The following REV3L variants were observed in gnomAD, a reference collection of about 807,000 sequenced individuals.
REV3L encodes the protein REV3 like, DNA directed polymerase zeta catalytic subunit, also known as DNA polymerase zeta catalytic subunit.
In REV3L, 69 loss-of-function variants were observed where a neutral mutation model predicts 299.4. The observed-to-expected ratio is 0.23, with a 90% confidence interval of 0.19 to 0.28. The LOEUF is 0.28. Ranked by LOEUF, REV3L falls within the 10% of genes least tolerant of loss-of-function variation. The pLI is 1.00. For synonymous variants in REV3L, 1,238 were observed against 1,271.4 expected (o/e 0.97, Z 0.56); for missense variants, 3,128 against 3,693.8 (o/e 0.85, Z 3.97).
rs1313738023 is a variant in REV3L, at chr6:111,481,909, T to G, written c.139+841A>C. 2.0e-5 allele frequency among the ~76,000 whole-genome samples: 3 copies of G among 152,248 alleles called. No homozygotes were observed. The East Asian group carries it at 5.8e-4, about 29-fold the overall frequency. ...CTTCAACATAGTTGTGTTTAAAAAA[T>G]ATATACCTGTACTTAAAACGCAATC... On this transcript the variant is annotated intron_variant, in intron 1 of 31. Coordinates refer to ENST00000368802, the MANE Select transcript of REV3L (RefSeq NM_001372078.1).
At chr6:111,310,164 T>G in intron 29 of REV3L, 65 bp from the exon 30 acceptor site, 1 of 1,459,034 alleles carries the variant, frequency 6.9e-7, no homozygotes, top group Non-Finnish European at 9.1e-7. Context: ...TTCTCACAAA[T>G]TAAGTCAGAA....
At chr6:111,352,914 G>C (rs539965139) in intron 18 of REV3L, among the ~76,000 whole-genome samples, 1 of 152,268 alleles carries the variant, frequency 6.6e-6, no homozygotes, top group Non-Finnish European at 1.5e-5. Flanking sequence ...AATTTATTTC[G>C]AGTGGAAAAT....
chr6:111,475,816 A>C (rs1792873240), intron 1 of REV3L, among the ~76,000 whole-genome samples: 1 of 152,112 alleles, frequency 6.6e-6, no homozygotes. Flanking sequence ...CTATTAAAGG[A>C]CTTCACCAAT....
intron 1 of REV3L, among the ~76,000 whole-genome samples, chr6:111,467,131 G>A (rs1791603850): frequency 6.6e-6 from 1 of 152,144 alleles, no homozygotes; most frequent in Admixed American, 6.5e-5. Context: ...AATTATATAA[G>A]AAGAAAGGGT....
chr6:111,335,173 G>T (rs1405127304), intron 22 of REV3L, among the ~76,000 whole-genome samples: 1 of 151,986 alleles, frequency 6.6e-6, no homozygotes, highest in Non-Finnish European at 1.5e-5. Flanking sequence ...TAAAACAAAA[G>T]AAAGGTACTT....
intron 1 of REV3L, among the ~76,000 whole-genome samples, chr6:111,453,855 G>A (rs1457219050): frequency 3.3e-5 from 5 of 152,006 alleles, no homozygotes; most frequent in South Asian, 2.1e-4. Flanking sequence ...GCGTGGTGGC[G>A]CATGCCTGTG....
At chr6:111,430,158 G>A in intron 1 of REV3L, 1 of 789,290 alleles carries the variant, frequency 1.3e-6, no homozygotes, top group East Asian at 2.4e-5. Context: ...CGCCCCTGTG[G>A]GATTAGACTT....
At position 111,372,973 on chromosome 6, in the gene REV3L, G is replaced by A. The variant is rs1384542274; in HGVS notation, c.5382C>T (p.Asn1794=). ...KEVFLSLPQP[N]NSDWIQGHTR... is the part of the protein sequence containing the mutation. ...TGTGACCTTGAATCCAGTCTGAATTGTTTGGCTGTGGGAGGCTAAGAAACA... is the reference window on the plus strand; with the variant it reads ...TGTGACCTTGAATCCAGTCTGAATTATTTGGCTGTGGGAGGCTAAGAAACA... Residue 1794 remains asparagine (N), a synonymous_variant, in exon 13 of 32, where the codon AAC becomes AAT. Coordinates refer to ENST00000368802, the MANE Select transcript of REV3L (RefSeq NM_001372078.1). 1 of 1,614,136 alleles carries A rather than the reference G, an allele frequency of 6.2e-7. No homozygotes were observed. The highest frequency in any genetic ancestry group is 8.5e-7 in the Non-Finnish European group (1 of 1,179,992).
chr6:111,330,782 T>TA (rs1311281688), intron 24 of REV3L, among the ~76,000 whole-genome samples: 9 of 151,714 alleles, frequency 5.9e-5, no homozygotes, highest in Admixed American at 3.9e-4. Flanking sequence ...ACCCATTTAA[T>TA]AAAAAAAAAT....
Position 111,373,129 on chromosome 6 carries a change from G to A in REV3L, c.5226C>T (p.Asn1742=). Residue 1742 remains asparagine, a synonymous_variant, in exon 13 of 32, where the codon AAC becomes AAT. Transcript: ENST00000368802. ...TIDSNENRRH[N]QWKNSFHPLT... ...GAGGATGAAAGCTATTTTTCCACTG[G>A]TTGTGGCGACGATTCTCATTGCTAT... 1 of 1,614,096 alleles carries A rather than the reference G, an allele frequency of 6.2e-7. No individual in the cohort carries two copies.
At chr6:111,345,117 C>T (rs1484924172) in intron 20 of REV3L, among the ~76,000 whole-genome samples, 3 of 152,120 alleles carry the variant, frequency 2.0e-5, no homozygotes, top group Non-Finnish European at 4.4e-5. Flanking sequence ...TATAAAATCA[C>T]TAACAGAATG....
intron 1 of REV3L, chr6:111,472,223 A>G: frequency 1.3e-6 from 1 of 758,132 alleles, no homozygotes; most frequent in Non-Finnish European, 1.8e-6. Flanking sequence ...CATTTTTCAC[A>G]TATCAACATG....
chr6:111,436,942 A>G (rs775142912), intron 1 of REV3L, among the ~76,000 whole-genome samples: 1 of 152,220 alleles, frequency 6.6e-6, no homozygotes, highest in Non-Finnish European at 1.5e-5. Context: ...AATATTATAA[A>G]TGGGCAAAGG....
At chr6:111,423,341 T>C (rs1414934195) in intron 1 of REV3L, among the ~76,000 whole-genome samples, 1 of 152,178 alleles carries the variant, frequency 6.6e-6, no homozygotes, top group Non-Finnish European at 1.5e-5. Context: ...TGAGCTGATA[T>C]CTGAACTATG....
At chr6:111,427,908 G>A (rs746797293) in intron 1 of REV3L, among the ~76,000 whole-genome samples, 2 of 152,000 alleles carry the variant, frequency 1.3e-5, no homozygotes, top group Non-Finnish European at 2.9e-5. Flanking sequence ...AAGTTGGAGT[G>A]GCTGTTCAGC....
chr6:111,468,478 G>A (rs1260811821), intron 1 of REV3L, among the ~76,000 whole-genome samples: 2 of 152,062 alleles, frequency 1.3e-5, no homozygotes, highest in Admixed American at 6.6e-5. Flanking sequence ...AAGATAAACA[G>A]TACGCTGAGA....
At chr6:111,431,116 A>G (rs1193025288) in intron 1 of REV3L, 1 of 1,513,036 alleles carries the variant, frequency 6.6e-7, no homozygotes. Flanking sequence ...AATCTATTCA[A>G]CCTATGGGGA....
At chr6:111,449,521 G>A (rs1789256150) in intron 1 of REV3L, among the ~76,000 whole-genome samples, 1 of 152,134 alleles carries the variant, frequency 6.6e-6, no homozygotes, top group African/African-American at 2.4e-5. Context: ...TGGGCAGAGG[G>A]AACAATCCCA....
chr6:111,315,168 G>A (rs998716827), intron 27 of REV3L, 99 bp downstream of exon 27: 13 of 1,000,530 alleles, frequency 1.3e-5, no homozygotes, highest in Admixed American at 1.1e-4. Flanking sequence ...TAATAGACCC[G>A]TATACTGTTA....
Sources: gnomAD v4.1 joint callset for allele counts (sites outside exome capture counted in the v4.1 genomes callset) on GRCh38, gnomAD v4.1.1 for gene constraint, MANE v1.5 for transcripts, NCBI Gene and HGNC (gene_info 2026-07-23, HGNC 2026-07-21) for gene names.